METTL13: variants seen among roughly 807,000 people sequenced by gnomAD.
METTL13 encodes eEF1A lysine and N-terminal methyltransferase.
Under a neutral mutation model 67.4 loss-of-function variants are expected in METTL13, and 52 were observed. The observed-to-expected ratio is 0.77, with a 90% CI of 0.62 to 0.97. The LOEUF (loss-of-function observed/expected upper bound fraction) is 0.97, where lower values mean the gene tolerates loss of function less well. METTL13 is among the 50% of genes least tolerant of loss of function. The probability of loss-of-function intolerance (pLI) is 0.00; values close to 1 mark genes in which losing one functional copy is unlikely to be tolerated. For synonymous variants in METTL13, 354 were observed against 353.6 expected (o/e 1.00, Z -0.01); for missense variants, 825 against 889.6 (o/e 0.93, Z 0.92).
In METTL13 at chr1:171,787,940, C is replaced by T; in HGVS notation, c.1309+10C>T. 1 of 1,612,316 alleles carries T rather than the reference C, an allele frequency of 6.2e-7. No homozygotes were observed. The highest frequency in any genetic ancestry group is 8.5e-7 in the Non-Finnish European group (1 of 1,179,526). On this transcript the variant is annotated intron_variant, in intron 4 of 7. Coordinates refer to ENST00000361735, the MANE Select transcript of METTL13 (RefSeq NM_015935.5). ...GATGTGTCTCACAAAGGTGAGGTGT[C>T]ATAGGCACAGTGGTGGGACCCAAGT...
At chr1:171,789,867 T>C (rs2124902649) in intron 4 of METTL13, among the ~76,000 whole-genome samples, 1 of 152,262 alleles carries the variant, frequency 6.6e-6, no homozygotes, top group African/African-American at 2.4e-5. Flanking sequence ...CACATCCTAA[T>C]TTATAGTGTT....
At position 171,787,654 on chromosome 1, in the gene METTL13, A is replaced by G. The variant is rs1657062734; in HGVS notation, c.1114-81A>G. 9.0e-6 allele frequency: 12 copies of G among 1,331,734 alleles called. No individual in the cohort carries two copies. In the South Asian group the frequency reaches 1.7e-4, roughly 18 times the overall value. The allele number at this position is 1,331,734 out of a possible 1,614,324, so 82.5% of individuals were successfully genotyped here. A position where few individuals can be genotyped will look rare whatever the true frequency, so the allele number is the denominator to read the frequency against. On this transcript the variant is annotated intron_variant, in intron 3 of 7. Coordinates refer to ENST00000361735, the MANE Select transcript of METTL13 (RefSeq NM_015935.5). ...AGAACCGTGGTATGGGGATATATAC[A>G]CACAAAAGGGAAGGGGTTATAATTT...
chr1:171,785,922 G>A lies in METTL13; in HGVS notation c.957G>A (p.Glu319=). 2 of 1,613,648 alleles carry A rather than the reference G, an allele frequency of 1.2e-6. No individual in the cohort carries two copies. The highest frequency in any genetic ancestry group is 1.7e-6 in the Non-Finnish European group (2 of 1,179,998). ...CCGAGTGGCTCTTTGGCATGGATGAGGGCCGGAAACAGCTGGCGGCCAGTG... is the reference window on the plus strand; with the variant it reads ...CCGAGTGGCTCTTTGGCATGGATGAAGGCCGGAAACAGCTGGCGGCCAGTG... ...RETEWLFGMD[E]GRKQLAASAG... Residue 319 remains glutamate (E), a synonymous_variant, in exon 3 of 8, where the codon GAG becomes GAA. Transcript: ENST00000361735.
rs1222208416 is a variant in METTL13 at position 171,784,063 on chromosome 1, C to A, written c.477C>A (p.Ile159=). 1.2e-6 allele frequency: 2 copies of A among 1,614,122 alleles called. No individual in the cohort carries two copies. Among genetic ancestry groups the A allele is most frequent in the African/African-American group, 1.3e-5 (1 of 74,934 alleles). The change falls in exon 2 of 8, where the codon ATC becomes ATA. Residue 159 remains isoleucine, a synonymous_variant. Coordinates refer to ENST00000361735, the MANE Select transcript of METTL13 (RefSeq NM_015935.5). ...VLQVGGRYLC[I]SLAQAHILKK... ...AGGTGGGCGGTCGCTATCTCTGCATCTCCCTGGCTCAGGCTCACATCCTGA... is the reference window on the plus strand; with the variant it reads ...AGGTGGGCGGTCGCTATCTCTGCATATCCCTGGCTCAGGCTCACATCCTGA...
chr1:171,790,774 T>A, intron 5 of METTL13, 158 bp downstream of exon 5: 1 of 756,578 alleles, frequency 1.3e-6, no homozygotes, highest in Non-Finnish European at 1.9e-6. Context: ...GCATTCTAAT[T>A]AACTGTTGCC....
intron 5 of METTL13, 110 bp from the exon 6 acceptor site, chr1:171,791,907 A>G: frequency 9.5e-7 from 1 of 1,055,798 alleles, no homozygotes; most frequent in Non-Finnish European, 1.4e-6. Context: ...TAAATCTTGT[A>G]TCCCCTGAAT....
chr1:171,792,279 A>G, intron 6 of METTL13, 44 bp downstream of exon 6: 9 of 1,607,248 alleles, frequency 5.6e-6, no homozygotes, highest in Non-Finnish European at 7.7e-6. Flanking sequence ...GGGATGATTG[A>G]TGCGACATTG....
intron 6 of METTL13, 46 bp downstream of exon 6, chr1:171,792,281 G>A (rs1657234486): frequency 6.2e-7 from 1 of 1,606,828 alleles, no homozygotes. Flanking sequence ...GATGATTGAT[G>A]CGACATTGTC....
intron 2 of METTL13, among the ~76,000 whole-genome samples, chr1:171,784,832 T>C (rs1399003672): frequency 6.6e-6 from 1 of 152,194 alleles, no homozygotes; most frequent in Non-Finnish European, 1.5e-5. Flanking sequence ...TGCTAGTTAC[T>C]TTGTAGCATG....
intron 6 of METTL13, among the ~76,000 whole-genome samples, chr1:171,792,785 C>T (rs1363875273): frequency 6.6e-6 from 1 of 152,122 alleles, no homozygotes; most frequent in African/African-American, 2.4e-5. Flanking sequence ...TAGTAAACAT[C>T]TTACAATGTT....
rs750027664 is a variant in METTL13, at chr1:171,782,049, G to C, written c.82G>C (p.Ala28Pro). Residue 28 changes from alanine to proline, a missense_variant, in exon 1 of 8, where the codon GCT (alanine) becomes CCT (proline). Transcript: ENST00000361735. ...EKFFQQRGKKAFEWYGTYLEL... is the reference protein window; with the variant it reads ...EKFFQQRGKKPFEWYGTYLEL... ...GTTCTTCCAGCAGCGAGGAAAGAAA[G>C]CTTTCGAGTGGTATGGAACCTACCT... 1 of 1,614,132 alleles carries C rather than the reference G, an allele frequency of 6.2e-7. No homozygotes were observed. The highest frequency in any genetic ancestry group is 1.1e-5 in the South Asian group (1 of 91,088).
intron 7 of METTL13, among the ~76,000 whole-genome samples, chr1:171,795,089 G>A (rs1315000677): frequency 1.3e-5 from 2 of 152,188 alleles, no homozygotes; most frequent in Non-Finnish European, 2.9e-5. Context: ...GCCTCCCAAA[G>A]TGCTGGGATT....
intron 7 of METTL13, among the ~76,000 whole-genome samples, chr1:171,795,503 A>G (rs1015250857): frequency 3.9e-5 from 6 of 152,238 alleles, no homozygotes; most frequent in Non-Finnish European, 8.8e-5. Flanking sequence ...TAGCTACTAC[A>G]TGATGCTTCC....
At chr1:171,791,984 G>C (rs747727012) in intron 5 of METTL13, 33 bp from the exon 6 acceptor site, 1 of 1,609,542 alleles carries the variant, frequency 6.2e-7, no homozygotes, top group African/African-American at 1.3e-5. Context: ...CAGTGAACAG[G>C]TGGCAATGTG....
intron 3 of METTL13, 86 bp from the exon 4 acceptor site, chr1:171,787,645 GATAT>G (rs989746196): frequency 7.5e-6 from 9 of 1,194,828 alleles, no homozygotes; most frequent in Non-Finnish European, 9.5e-6. Context: ...GTGGTATGGG[GATAT>G]ATACACACAA....
rs374932248 is a variant in METTL13 at position 171,783,770 on chromosome 1, C to A, written c.184C>A (p.Leu62Met). 5.6e-6 allele frequency: 9 copies of A among 1,612,042 alleles called. No individual in the cohort carries two copies. The highest frequency in any genetic ancestry group is 1.6e-4 in the Middle Eastern group (1 of 6,076). Residue 62 changes from leucine (L) to methionine (M), a missense_variant, in exon 2 of 8, where the codon CTG becomes ATG. Leu to Met is a conservative substitution (Grantham distance 15). Coordinates refer to ENST00000361735, the MANE Select transcript of METTL13 (RefSeq NM_015935.5). ...VLVIGCGNSE[L>M]SEQLYDVGYR... ...GGTGATTGGGTGTGGCAACTCAGAA[C>A]TGAGTGAGCAACTGTATGATGTGGG... is the stretch of plus-strand genomic sequence containing the variant.
chr1:171,793,376 C>T (rs982799160), intron 6 of METTL13, among the ~76,000 whole-genome samples: 18 of 152,242 alleles, frequency 1.2e-4, no homozygotes, highest in African/African-American at 4.3e-4. Flanking sequence ...GATGTTACTG[C>T]TGTTGTTATC....
intron 2 of METTL13, among the ~76,000 whole-genome samples, 171 bp downstream of exon 2, chr1:171,784,670 A>G (rs1312922599): frequency 1.3e-5 from 2 of 152,192 alleles, no homozygotes; most frequent in African/African-American, 4.8e-5. Context: ...GGCATGATGA[A>G]AGGAGAGTAA....
chr1:171,795,675 T>G (rs1248304845), intron 7 of METTL13, among the ~76,000 whole-genome samples: 2 of 152,226 alleles, frequency 1.3e-5, no homozygotes, highest in Non-Finnish European at 2.9e-5. Flanking sequence ...AATCCCTATG[T>G]TAACAACCCT....
Sources: allele counts gnomAD v4.1 joint callset (sites outside exome capture counted in the v4.1 genomes callset), GRCh38; gene constraint gnomAD v4.1.1; transcripts MANE v1.5; gene names NCBI Gene and HGNC (gene_info 2026-07-23, HGNC 2026-07-21).